ATP8A2: variants seen among roughly 807,000 people sequenced by gnomAD.
ATP8A2 encodes ATPase phospholipid transporting 8A2.
In ATP8A2, 100 loss-of-function variants were observed where a neutral mutation model predicts 165.6. That is an observed-to-expected ratio of 0.60 (90% CI 0.51 to 0.71). The LOEUF (loss-of-function observed/expected upper bound fraction) is 0.71, where lower values mean the gene tolerates loss of function less well. Among genes scored for constraint, ATP8A2 ranks in the 30% least tolerant of loss-of-function variants. The pLI, the probability that ATP8A2 is intolerant of heterozygous loss-of-function variation, is 0.00. For synonymous variants in ATP8A2, 543 were observed against 548.8 expected, an observed-to-expected ratio of 0.99 and a Z score of 0.15; for missense variants, 1,227 against 1,479.5, an observed-to-expected ratio of 0.83 and a Z score of 2.80.
chr13:25,694,922 A>G (rs903014269), intron 24 of ATP8A2, among the ~76,000 whole-genome samples: 2 of 152,022 alleles, frequency 1.3e-5, no homozygotes, highest in South Asian at 2.1e-4. Flanking sequence ...GCCTCAGGTG[A>G]TCCTCCCTCT....
At chr13:25,731,328 GA>G (rs1183451333) in intron 25 of ATP8A2, among the ~76,000 whole-genome samples, 77 of 118,396 alleles carry the variant, frequency 6.5e-4, no homozygotes, top group Non-Finnish European at 1.2e-3. Context: ...GAGAGAGAAA[GA>G]GAGAAAGGGA....
chr13:25,452,759 G>A (rs1268981214), intron 1 of ATP8A2, among the ~76,000 whole-genome samples: 4 of 152,176 alleles, frequency 2.6e-5, no homozygotes, highest in East Asian at 3.9e-4. Flanking sequence ...GAAATTAAAC[G>A]TTTAATTTTT....
At chr13:25,619,073 T>C (rs2040902181) in intron 24 of ATP8A2, among the ~76,000 whole-genome samples, 1 of 151,550 alleles carries the variant, frequency 6.6e-6, no homozygotes, top group South Asian at 2.1e-4. Context: ...GAAAGGAGAG[T>C]AAGGGATTCT....
intron 24 of ATP8A2, among the ~76,000 whole-genome samples, chr13:25,613,263 A>G (rs889410213): frequency 1.3e-5 from 2 of 152,058 alleles, no homozygotes; most frequent in Non-Finnish European, 1.5e-5. Context: ...TATTTTGAGG[A>G]TTTGTTTTAA....
At chr13:25,672,308 G>A (rs564873349) in intron 24 of ATP8A2, among the ~76,000 whole-genome samples, 3 of 152,184 alleles carry the variant, frequency 2.0e-5, no homozygotes, top group Non-Finnish European at 2.9e-5. Flanking sequence ...TCCTTGTAAG[G>A]CACCATAGAG....
chr13:25,557,246 T>C (rs1287049466), intron 13 of ATP8A2, among the ~76,000 whole-genome samples: 3 of 152,238 alleles, frequency 2.0e-5, no homozygotes, highest in East Asian at 1.9e-4. Context: ...ACAGAGAATG[T>C]CCTTGGCACA....
chr13:25,592,372 A>G (rs1156402289), intron 24 of ATP8A2, among the ~76,000 whole-genome samples: 2 of 152,214 alleles, frequency 1.3e-5, no homozygotes, highest in East Asian at 1.9e-4. Flanking sequence ...GAATGAATGA[A>G]CAAGCTTAAG....
At chr13:25,524,781 T>G (rs1477282292) in intron 2 of ATP8A2, among the ~76,000 whole-genome samples, 1 of 152,052 alleles carries the variant, frequency 6.6e-6, no homozygotes, top group Non-Finnish European at 1.5e-5. Flanking sequence ...TTCAGCTATA[T>G]ATATCTTTTA....
Position 25,423,666 on chromosome 13 carries a change from A to G in ATP8A2, c.77-45311A>G, listed in dbSNP as rs569518043. On this transcript the variant is annotated intron_variant, in intron 1 of 36. Transcript: ENST00000381655. ...CTAAAGGATGTCAAATGTGTTTTTA[A>G]TTCTTATAATTTGTGTATTACGGAC... Among the ~76,000 whole-genome samples, 7 of 152,310 alleles carry G rather than the reference A, an allele frequency of 4.6e-5. 1 individual carries two copies. The South Asian group carries it at 1.5e-3, about 32-fold the overall frequency.
intron 30 of ATP8A2, among the ~76,000 whole-genome samples, chr13:25,859,116 T>G (rs1952260278): frequency 6.6e-6 from 1 of 151,950 alleles, no homozygotes; most frequent in Non-Finnish European, 1.5e-5. Flanking sequence ...GGCAGAGAAT[T>G]GCTTGAATCC....
At chr13:25,518,597 A>G (rs2037555926) in intron 2 of ATP8A2, among the ~76,000 whole-genome samples, 1 of 152,132 alleles carries the variant, frequency 6.6e-6, no homozygotes, top group South Asian at 2.1e-4. Flanking sequence ...CAGCTACTGA[A>G]CTTTGCGTCT....
intron 25 of ATP8A2, among the ~76,000 whole-genome samples, chr13:25,725,743 G>A (rs982822736): frequency 3.3e-5 from 5 of 152,160 alleles, no homozygotes; most frequent in Non-Finnish European, 7.4e-5. Context: ...TTTTTGCTCA[G>A]AGAGAGAAAT....
intron 24 of ATP8A2, among the ~76,000 whole-genome samples, chr13:25,605,772 T>C (rs1249060022): frequency 6.6e-6 from 1 of 152,228 alleles, no homozygotes; most frequent in Non-Finnish European, 1.5e-5. Context: ...CTGTGATTTA[T>C]TTAAACCTTC....
chr13:25,691,213 A>G (rs539933134), intron 24 of ATP8A2, among the ~76,000 whole-genome samples: 6 of 152,178 alleles, frequency 3.9e-5, no homozygotes, highest in Non-Finnish European at 8.8e-5. Flanking sequence ...TGTCTGCAGC[A>G]TGGAAGGAGG....
chr13:25,728,840 G>C (rs552775622), intron 25 of ATP8A2, among the ~76,000 whole-genome samples: 1 of 152,288 alleles, frequency 6.6e-6, no homozygotes, highest in East Asian at 1.9e-4. Context: ...AAATGCATCT[G>C]CATATAGAAG....
intron 33 of ATP8A2, among the ~76,000 whole-genome samples, chr13:25,922,033 A>G (rs978778513): frequency 6.6e-6 from 1 of 152,130 alleles, no homozygotes; most frequent in African/African-American, 2.4e-5. Flanking sequence ...AATTAACTAC[A>G]TTTTTGGGGT....
chr13:25,600,453 T>A (rs2040352657), intron 24 of ATP8A2, among the ~76,000 whole-genome samples: 1 of 152,168 alleles, frequency 6.6e-6, no homozygotes, highest in South Asian at 2.1e-4. Flanking sequence ...AGAAATGAAT[T>A]TCAAGTGTAA....
At chr13:25,545,434 G>A (rs1160758025) in intron 10 of ATP8A2, among the ~76,000 whole-genome samples, 1 of 152,026 alleles carries the variant, frequency 6.6e-6, no homozygotes. Flanking sequence ...AAGAACTCAG[G>A]AGGCTGAGAT....
intron 2 of ATP8A2, among the ~76,000 whole-genome samples, chr13:25,529,203 A>T (rs1296782205): frequency 6.6e-6 from 1 of 152,202 alleles, no homozygotes; most frequent in South Asian, 2.1e-4. Flanking sequence ...TAGGAATCAT[A>T]TAGGTACTTT....
Sources: allele counts gnomAD v4.1 joint callset (sites outside exome capture counted in the v4.1 genomes callset), GRCh38; gene constraint gnomAD v4.1.1; transcripts MANE v1.5; gene names NCBI Gene and HGNC (gene_info 2026-07-23, HGNC 2026-07-21).